ZNF131: variants seen among roughly 807,000 people sequenced by gnomAD.
ZNF131 encodes zinc finger protein 131.
A neutral mutation model predicts 60.0 loss-of-function variants in ZNF131; 7 were observed. The observed-to-expected ratio is 0.12, with a 90% CI of 0.07 to 0.22. The LOEUF is 0.22. ZNF131 is among the 10% of genes least tolerant of loss of function. The pLI is 1.00. For missense variants in ZNF131, 493 were observed against 740.9 expected (o/e 0.67, Z 3.88); for synonymous variants, 257 against 253.2 (o/e 1.01, Z -0.14).
intron 4 of ZNF131, among the ~76,000 whole-genome samples, chr5:43,140,790 C>T (rs1004985932): frequency 2.0e-5 from 3 of 152,314 alleles, no homozygotes; most frequent in East Asian, 3.9e-4. Flanking sequence ...AATCTCGGCT[C>T]ACTGCAACCT....
intron 4 of ZNF131, among the ~76,000 whole-genome samples, chr5:43,144,237 C>CTTTTT (rs935655531): frequency 1.2e-4 from 8 of 65,316 alleles, no homozygotes; most frequent in East Asian, 6.8e-4. Flanking sequence ...TTCTTTCTTT[C>CTTTTT]TTTTTTTTTT....
chr5:43,151,350 C>T (rs979910682), intron 4 of ZNF131, among the ~76,000 whole-genome samples: 5 of 152,224 alleles, frequency 3.3e-5, no homozygotes, highest in African/African-American at 1.2e-4. Context: ...GAGACCTCCA[C>T]AGTCACCCGA....
At chr5:43,161,218 A>ATT (rs1561435983) in intron 4 of ZNF131, 31 bp from the exon 5 acceptor site, 1 of 1,537,884 alleles carries the variant, frequency 6.5e-7, no homozygotes, top group Admixed American at 2.2e-5. Flanking sequence ...CTTCTTATAG[A>ATT]TTTTTTAAAC....
chr5:43,151,744 A>G (rs1001237147), intron 4 of ZNF131, among the ~76,000 whole-genome samples: 3 of 151,550 alleles, frequency 2.0e-5, no homozygotes, highest in African/African-American at 7.3e-5. Context: ...CAGTCATCGT[A>G]TTTTTGTGAG....
At chr5:43,166,083 T>G (rs1360230731) in intron 5 of ZNF131, among the ~76,000 whole-genome samples, 1 of 152,254 alleles carries the variant, frequency 6.6e-6, no homozygotes, top group Non-Finnish European at 1.5e-5. Flanking sequence ...GGCCTTGTTC[T>G]TGGTTAGGCT....
At chr5:43,167,363 ATAAAG>A (rs1249233923) in intron 5 of ZNF131, among the ~76,000 whole-genome samples, 1 of 152,204 alleles carries the variant, frequency 6.6e-6, no homozygotes, top group Non-Finnish European at 1.5e-5. Flanking sequence ...AAAAAGTCCA[ATAAAG>A]TAAAGCACAA....
intron 4 of ZNF131, among the ~76,000 whole-genome samples, chr5:43,146,877 A>G (rs1747650747): frequency 6.6e-6 from 1 of 152,050 alleles, no homozygotes; most frequent in African/African-American, 2.4e-5. Context: ...TTGCATTCCA[A>G]CATGGATGAC....
chr5:43,136,520 T>C (rs1032767555), intron 3 of ZNF131, among the ~76,000 whole-genome samples: 8 of 141,434 alleles, frequency 5.7e-5, no homozygotes, highest in Non-Finnish European at 3.0e-5. Flanking sequence ...GTAGTCTTAC[T>C]GTGTTGCCCA....
rs113454923 is a variant in ZNF131, at chr5:43,160,188, C to CAA, written c.372-1051_372-1050dup. 5.4e-4 allele frequency among the ~76,000 whole-genome samples: 67 copies of CAA among 125,000 alleles called. 2 individuals are homozygous for CAA. Among genetic ancestry groups the CAA allele is most frequent in the Middle Eastern group, 4.9e-3 (1 of 206 alleles). The allele number at this position is 125,000 out of a possible 152,430, so 82.0% of individuals were successfully genotyped here. On this transcript the variant is annotated intron_variant, in intron 4 of 6. Transcript: ENST00000682664. ...GAGACTCCATCTCAAAAAAACAAAA[C>CAA]AAAAAAAAAAACAAAAAAAGAAGAA... is the stretch of plus-strand genomic sequence containing the variant.
At chr5:43,123,101 T>C (rs1028487075) in intron 2 of ZNF131, 108 bp from the exon 3 acceptor site, 4 of 753,612 alleles carry the variant, frequency 5.3e-6, no homozygotes, top group Non-Finnish European at 8.4e-6. Context: ...AGTTACGTAA[T>C]GAAGGAAGAC....
At chr5:43,171,038 G>C (rs1750928547) in intron 5 of ZNF131, among the ~76,000 whole-genome samples, 1 of 147,582 alleles carries the variant, frequency 6.8e-6, no homozygotes, top group South Asian at 2.2e-4. Flanking sequence ...CCTGCCTCCT[G>C]GGTTCAAGTG....
rs1259972636 is a variant in ZNF131, at chr5:43,130,310, AG to A, written c.226+7001del. 1.0e-4 allele frequency among the ~76,000 whole-genome samples: 15 copies of A among 149,456 alleles called. No homozygotes were observed. In the East Asian group the frequency reaches 2.8e-3, roughly 28 times the overall value. On this transcript the variant is annotated intron_variant, in intron 3 of 6. Transcript: ENST00000682664. ...GGAAAGTAGAGGCAATGTAGCTGAG[AG>A]ATAATAAGACAGAATCAAAAAGTTC...
intron 3 of ZNF131, among the ~76,000 whole-genome samples, chr5:43,136,476 CT>C (rs70991484): frequency 0.035 from 2,400 of 69,466 alleles, 12 homozygotes; most frequent in African/African-American, 0.051. Flanking sequence ...AGGCATCATA[CT>C]TTTTTTTTTT....
intron 4 of ZNF131, among the ~76,000 whole-genome samples, chr5:43,141,986 C>T (rs896055789): frequency 6.6e-6 from 1 of 151,886 alleles, no homozygotes; most frequent in Non-Finnish European, 1.5e-5. Context: ...TGACTTTTTC[C>T]CCCATGCATG....
intron 3 of ZNF131, chr5:43,123,706 C>T (rs1211044659): frequency 6.3e-6 from 1 of 159,354 alleles, no homozygotes; most frequent in East Asian, 1.8e-4. Context: ...TTACTGTACT[C>T]TATAGCAGAA....
At chr5:43,125,879 T>C (rs1311878778) in intron 3 of ZNF131, among the ~76,000 whole-genome samples, 1 of 152,214 alleles carries the variant, frequency 6.6e-6, no homozygotes, top group African/African-American at 2.4e-5. Context: ...CCTGGTCTTC[T>C]GAAGACTAGT....
intron 3 of ZNF131, among the ~76,000 whole-genome samples, chr5:43,131,950 C>A (rs1745414965): frequency 6.6e-6 from 1 of 152,116 alleles, no homozygotes; most frequent in South Asian, 2.1e-4. Flanking sequence ...TATTTAAAAT[C>A]TTTGTCATAG....
At chr5:43,142,076 T>C (rs1459847312) in intron 4 of ZNF131, among the ~76,000 whole-genome samples, 1 of 151,796 alleles carries the variant, frequency 6.6e-6, no homozygotes, top group Non-Finnish European at 1.5e-5. Flanking sequence ...GCACGGTGGC[T>C]CACACCTGTA....
intron 3 of ZNF131, among the ~76,000 whole-genome samples, chr5:43,130,042 GA>G: frequency 6.6e-6 from 1 of 151,438 alleles, no homozygotes; most frequent in East Asian, 1.9e-4. Flanking sequence ...GAGGTGGGCA[GA>G]TTGCCTGAGC....
Sources: gnomAD v4.1 joint callset for allele counts (sites outside exome capture counted in the v4.1 genomes callset) on GRCh38, gnomAD v4.1.1 for gene constraint, MANE v1.5 for transcripts, NCBI Gene and HGNC (gene_info 2026-07-23, HGNC 2026-07-21) for gene names.